The following PCDH7 variants were observed in gnomAD, a reference collection of about 807,000 sequenced individuals.
PCDH7 encodes the protein protocadherin-7.
A neutral mutation model predicts 58.9 loss-of-function variants in PCDH7; 17 were observed. That is an observed-to-expected ratio of 0.29 (90% CI 0.20 to 0.43). The LOEUF is 0.43. PCDH7 is among the 20% of genes least tolerant of loss of function. PCDH7 has a pLI of 1.00. For synonymous variants in PCDH7, 664 were observed against 616.4 expected (o/e 1.08, Z -1.14); for missense variants, 1,274 against 1,441.0 (o/e 0.88, Z 1.88).
intron 1 of PCDH7, among the ~76,000 whole-genome samples, chr4:30,776,575 A>G (rs559749269): frequency 1.3e-5 from 2 of 152,344 alleles, no homozygotes; most frequent in South Asian, 4.1e-4. Flanking sequence ...ATATCTGTTC[A>G]AAGTATGCAT....
intron 1 of PCDH7, among the ~76,000 whole-genome samples, chr4:30,769,610 G>A (rs896453526): frequency 7.9e-5 from 12 of 152,050 alleles, no homozygotes; most frequent in East Asian, 1.9e-4. Context: ...GTTAGCATCC[G>A]TTTACATGTT....
At chr4:30,955,848 C>A (rs542709678) in intron 3 of PCDH7, among the ~76,000 whole-genome samples, 1 of 152,076 alleles carries the variant, frequency 6.6e-6, no homozygotes, top group African/African-American at 2.4e-5. Context: ...CGTGCTCGGC[C>A]AAGGCCATTG....
intron 3 of PCDH7, among the ~76,000 whole-genome samples, chr4:31,032,218 T>C (rs1024449102): frequency 2.0e-5 from 3 of 152,230 alleles, no homozygotes; most frequent in African/African-American, 7.2e-5. Context: ...GTATAAATTA[T>C]ACGCAAGATC....
intron 1 of PCDH7, among the ~76,000 whole-genome samples, chr4:30,846,680 T>C (rs984838772): frequency 1.3e-5 from 2 of 152,154 alleles, no homozygotes; most frequent in Admixed American, 6.6e-5. Flanking sequence ...CCAGACATTG[T>C]CAAATATCAA....
At chr4:30,734,624 A>C (rs985916540), downstream of PCDH7, among the ~76,000 whole-genome samples, 10 of 152,172 alleles carry the variant, frequency 6.6e-5, no homozygotes, top group Non-Finnish European at 1.3e-4. Context: ...CATACATAGG[A>C]CAATGAAAAA....
chr4:30,931,489 C>T (rs1397353444), intron 2 of PCDH7, among the ~76,000 whole-genome samples: 2 of 151,956 alleles, frequency 1.3e-5, no homozygotes, highest in Non-Finnish European at 2.9e-5. Context: ...ACAGGAGAAT[C>T]GCTTGAACCC....
chr4:30,853,297 C>T (rs1029607370), intron 1 of PCDH7, among the ~76,000 whole-genome samples: 1 of 152,004 alleles, frequency 6.6e-6, no homozygotes, highest in Admixed American at 6.6e-5. Context: ...AGTCTATTTC[C>T]AAGATATGAG....
chr4:30,731,215 A>G, exon 2 of PCDH7: 14 of 919,742 alleles, frequency 1.5e-5, no homozygotes, highest in Non-Finnish European at 1.8e-5. Context: ...AAATTGATCA[A>G]TATTTTTAAG....
At chr4:30,795,816 G>T (rs1362445929) in intron 1 of PCDH7, among the ~76,000 whole-genome samples, 1 of 152,078 alleles carries the variant, frequency 6.6e-6, no homozygotes, top group Admixed American at 6.6e-5. Flanking sequence ...ATAAAACATG[G>T]TAATATTTGT....
At chr4:30,987,882 T>C (rs1296273409) in intron 3 of PCDH7, 17 of 152,152 alleles carry the variant, frequency 1.1e-4, no homozygotes, top group Admixed American at 1.1e-3. Flanking sequence ...TTTAGGAGTG[T>C]GTGCCAAGGA....
intron 1 of PCDH7, among the ~76,000 whole-genome samples, chr4:30,843,403 A>G (rs1328832259): frequency 1.3e-5 from 2 of 152,146 alleles, no homozygotes; most frequent in Admixed American, 6.6e-5. Context: ...CATGTTGGCC[A>G]GGCTGGTCTT....
At chr4:30,946,499 G>A (rs1746694416) in intron 2 of PCDH7, among the ~76,000 whole-genome samples, 1 of 149,078 alleles carries the variant, frequency 6.7e-6, no homozygotes, top group Non-Finnish European at 1.5e-5. Context: ...CACTGCCTTA[G>A]GATGTTTTAA....
intron 3 of PCDH7, among the ~76,000 whole-genome samples, chr4:31,038,336 A>T (rs1456170514): frequency 6.6e-6 from 1 of 150,630 alleles, no homozygotes; most frequent in East Asian, 1.9e-4. Flanking sequence ...TATAATTATT[A>T]TTTACATTAC....
intron 3 of PCDH7, among the ~76,000 whole-genome samples, chr4:30,964,375 G>A (rs1748794743): frequency 6.6e-6 from 1 of 151,734 alleles, no homozygotes; most frequent in Non-Finnish European, 1.5e-5. Flanking sequence ...CCGAGTAGCT[G>A]GGACTACAGG....
chr4:31,044,372 T>G (rs1317384712), intron 3 of PCDH7, among the ~76,000 whole-genome samples: 1 of 152,058 alleles, frequency 6.6e-6, no homozygotes, highest in Non-Finnish European at 1.5e-5. Context: ...AGTGTAAATT[T>G]TATATCCCAT....
At chr4:31,030,459 A>G (rs1259382225) in intron 3 of PCDH7, among the ~76,000 whole-genome samples, 1 of 152,224 alleles carries the variant, frequency 6.6e-6, no homozygotes, top group African/African-American at 2.4e-5. Flanking sequence ...AAGAAAAAGA[A>G]AAAGAAGTTG....
At chr4:31,021,926 C>A (rs1481129060) in intron 3 of PCDH7, among the ~76,000 whole-genome samples, 1 of 152,074 alleles carries the variant, frequency 6.6e-6, no homozygotes, top group Non-Finnish European at 1.5e-5. Flanking sequence ...CAACGTTCAT[C>A]TTTGTAAAGT....
At chr4:31,129,572 T>C (rs1718717543) in intron 3 of PCDH7, among the ~76,000 whole-genome samples, 1 of 152,132 alleles carries the variant, frequency 6.6e-6, no homozygotes, top group Admixed American at 6.6e-5. Context: ...AGGAACAGAC[T>C]TGTTATTCTA....
At chr4:31,053,960 CT>C (rs1314926900) in intron 3 of PCDH7, among the ~76,000 whole-genome samples, 1 of 152,130 alleles carries the variant, frequency 6.6e-6, no homozygotes, top group Admixed American at 6.5e-5. Flanking sequence ...CCTGGAACAA[CT>C]TTTTTTGTTG....
Sources: allele counts gnomAD v4.1 joint callset (sites outside exome capture counted in the v4.1 genomes callset), GRCh38; gene constraint gnomAD v4.1.1; transcripts MANE v1.5; gene names NCBI Gene and HGNC (gene_info 2026-07-23, HGNC 2026-07-21).